The following SLC8A3 variants were observed in gnomAD, a reference collection of about 807,000 sequenced individuals.
The protein encoded by SLC8A3 is sodium/calcium exchanger 3.
In SLC8A3, 37 loss-of-function variants were observed where a neutral mutation model predicts 65.4. The observed-to-expected ratio is 0.57, with a 90% CI of 0.44 to 0.74. SLC8A3 has a LOEUF of 0.74. Ranked by LOEUF, SLC8A3 falls within the 30% of genes least tolerant of loss-of-function variation. The probability of loss-of-function intolerance (pLI) is 0.00; values close to 1 mark genes in which losing one functional copy is unlikely to be tolerated. For missense variants in SLC8A3, 1,112 were observed against 1,172.1 expected (o/e 0.95, Z 0.75); for synonymous variants, 461 against 444.5 (o/e 1.04, Z -0.47).
intron 2 of SLC8A3, among the ~76,000 whole-genome samples, chr14:70,090,082 C>T: frequency 6.6e-6 from 1 of 152,046 alleles, no homozygotes; most frequent in East Asian, 1.9e-4. Flanking sequence ...CCATTAATTA[C>T]CTCATCACAC....
intron 2 of SLC8A3, among the ~76,000 whole-genome samples, chr14:70,115,803 T>C (rs1893614719): frequency 6.6e-6 from 1 of 152,194 alleles, no homozygotes. Flanking sequence ...CAAATCTTTC[T>C]AGGCCTCAGA....
chr14:70,050,338 G>A (rs1202779295), intron 5 of SLC8A3, among the ~76,000 whole-genome samples: 1 of 152,152 alleles, frequency 6.6e-6, no homozygotes, highest in Admixed American at 6.6e-5. Flanking sequence ...GACCCTGTGG[G>A]TTGCTATGAC....
chr14:70,184,977 T>C (rs1383751888), intron 1 of SLC8A3, among the ~76,000 whole-genome samples: 2 of 149,446 alleles, frequency 1.3e-5, no homozygotes, highest in Non-Finnish European at 3.0e-5. Context: ...TTTTTTTTTT[T>C]TTTTTTTGAG....
intron 2 of SLC8A3, among the ~76,000 whole-genome samples, chr14:70,132,575 G>A (rs975667159): frequency 6.6e-5 from 10 of 152,190 alleles, no homozygotes; most frequent in Non-Finnish European, 1.0e-4. Flanking sequence ...GCTGCTGTAA[G>A]TAGCTCAGGA....
chr14:70,108,900 G>C (rs1270064969), intron 2 of SLC8A3, among the ~76,000 whole-genome samples: 1 of 152,072 alleles, frequency 6.6e-6, no homozygotes. Flanking sequence ...CTTTGCAAAT[G>C]ATGTTCCCTC....
At chr14:70,106,614 T>A (rs1053282069) in intron 2 of SLC8A3, among the ~76,000 whole-genome samples, 104 of 152,246 alleles carry the variant, frequency 6.8e-4, no homozygotes, top group African/African-American at 2.5e-3. Context: ...GAGCCTTATG[T>A]GCCTAGAAGA....
intron 2 of SLC8A3, among the ~76,000 whole-genome samples, chr14:70,107,353 G>A (rs1434418460): frequency 2.0e-5 from 3 of 152,064 alleles, no homozygotes; most frequent in Non-Finnish European, 4.4e-5. Flanking sequence ...CAGAATCCTT[G>A]AACAGAATAG....
chr14:70,084,848 CT>C (rs1891310220), intron 2 of SLC8A3, among the ~76,000 whole-genome samples: 1 of 152,028 alleles, frequency 6.6e-6, no homozygotes, highest in Non-Finnish European at 1.5e-5. Context: ...CCAAATGGTA[CT>C]TGTTTGACAT....
intron 1 of SLC8A3, among the ~76,000 whole-genome samples, chr14:70,177,202 T>C (rs761042860): frequency 1.3e-5 from 2 of 152,198 alleles, no homozygotes; most frequent in Non-Finnish European, 2.9e-5. Flanking sequence ...ATTTATTGAA[T>C]GAAGGAGTAC....
At chr14:70,089,397 T>G (rs941669333) in intron 2 of SLC8A3, among the ~76,000 whole-genome samples, 1 of 152,180 alleles carries the variant, frequency 6.6e-6, no homozygotes, top group Non-Finnish European at 1.5e-5. Flanking sequence ...TAAATGCTTA[T>G]GAAATGAATG....
Position 70,046,949 on chromosome 14 carries a change from G to A in SLC8A3, c.2390-626C>T, listed in dbSNP as rs1020193515. The A allele has an allele frequency of 6.6e-6, 1 of 152,204 alleles. No homozygotes were observed. Among genetic ancestry groups the A allele is most frequent in the African/African-American group, 2.4e-5 (1 of 41,412 alleles). The allele number at this position is 152,204 out of a possible 1,614,324, so 9.4% of individuals were successfully genotyped here. On this transcript the variant is annotated intron_variant, in intron 6 of 6. Coordinates refer to ENST00000356921, the MANE Select transcript of SLC8A3 (RefSeq NM_182932.3). This position sits in a 1 kb window ranked among gnomAD's most constrained non-coding sequence, Gnocchi z 4.2. ...ATCTTGGCACAGATTGTAGATACAGGGAGGACTGTCAGAGACATCTAGCCC... is the reference window on the plus strand; with the variant it reads ...ATCTTGGCACAGATTGTAGATACAGAGAGGACTGTCAGAGACATCTAGCCC...
intron 2 of SLC8A3, among the ~76,000 whole-genome samples, chr14:70,094,390 AG>A (rs1486915442): frequency 6.6e-6 from 1 of 152,244 alleles, no homozygotes; most frequent in Non-Finnish European, 1.5e-5. Context: ...CATAAATATC[AG>A]TTTCCTTTCC....
intron 2 of SLC8A3, among the ~76,000 whole-genome samples, chr14:70,140,281 C>T (rs949055680): frequency 1.3e-5 from 2 of 152,168 alleles, no homozygotes; most frequent in African/African-American, 4.8e-5. Context: ...TCAGAATTCA[C>T]ACTGCCTCAT....
At chr14:70,155,323 C>T (rs1400792282) in intron 2 of SLC8A3, among the ~76,000 whole-genome samples, 1 of 152,096 alleles carries the variant, frequency 6.6e-6, no homozygotes, top group Non-Finnish European at 1.5e-5. Context: ...TGCTACAAAA[C>T]ACTAGAACTT....
At chr14:70,144,454 AC>A (rs1202382135) in intron 2 of SLC8A3, among the ~76,000 whole-genome samples, 9 of 151,352 alleles carry the variant, frequency 5.9e-5, no homozygotes, top group African/African-American at 1.9e-4. Flanking sequence ...ACAGGGCAAA[AC>A]CCCATCTCTA....
intron 2 of SLC8A3, among the ~76,000 whole-genome samples, chr14:70,087,839 C>T (rs1353207066): frequency 6.6e-6 from 1 of 152,180 alleles, no homozygotes; most frequent in African/African-American, 2.4e-5. Flanking sequence ...AGGAAATTAA[C>T]TAACAAGTTC....
chr14:70,093,199 G>T (rs1471190378), intron 2 of SLC8A3, among the ~76,000 whole-genome samples: 2 of 152,222 alleles, frequency 1.3e-5, no homozygotes, highest in Non-Finnish European at 2.9e-5. Context: ...CCATGCTGCA[G>T]AAGTGTTGGC....
intron 3 of SLC8A3, among the ~76,000 whole-genome samples, chr14:70,055,356 TTTGGTTATTTCCTGGA>T (rs1031708882): frequency 4.6e-5 from 7 of 152,096 alleles, no homozygotes; most frequent in African/African-American, 1.4e-4. Flanking sequence ...TCACAACAGG[TTTGGTTATTTCCTGGA>T]TCCCTTGGGA....
chr14:70,184,218 T>C (rs1882995923), intron 1 of SLC8A3, among the ~76,000 whole-genome samples: 1 of 152,214 alleles, frequency 6.6e-6, no homozygotes, highest in African/African-American at 2.4e-5. Context: ...CCTGGGTTTC[T>C]ATACAGCTTC....
Sources: allele counts gnomAD v4.1 joint callset (sites outside exome capture counted in the v4.1 genomes callset), GRCh38; gene constraint gnomAD v4.1.1; non-coding constraint Gnocchi (gnomAD v3.1); transcripts MANE v1.5; gene names NCBI Gene and HGNC (gene_info 2026-07-23, HGNC 2026-07-21).